Variants in BAHCC1 observed in about 807,000 individuals in gnomAD.
BAHCC1 encodes the protein BAH domain and coiled-coil containing 1, also known as BAH and coiled-coil domain-containing protein 1.
A neutral mutation model predicts 88.2 loss-of-function variants in BAHCC1; 43 were observed. The ratio of observed to expected loss-of-function variants is 0.49; its 90% CI spans 0.38 to 0.63. BAHCC1 has a LOEUF of 0.63. Ranked by LOEUF, BAHCC1 falls within the 20% of genes least tolerant of loss-of-function variation. BAHCC1 has a pLI of 0.00. For missense variants in BAHCC1, 3,023 were observed against 1,654.8 expected (o/e 1.83, Z -14.34); for synonymous variants, 1,510 against 745.5 (o/e 2.03, Z -16.71).
In BAHCC1 at chr17:81,399,628, C is replaced by A. The variant is rs1439070854; in HGVS notation, c.-112C>A. The A allele has an allele frequency of 1.4e-6, 1 of 709,016 alleles. No homozygotes were observed. The highest frequency in any genetic ancestry group is 4.1e-5 in the Admixed American group (1 of 24,598). 43.9% of individuals were successfully genotyped at this position (709,016 alleles called of 1,614,324 possible). On this transcript the variant is annotated 5_prime_UTR_variant, in exon 2 of 28. Transcript: ENST00000675386. The surrounding 1 kb of genome is among the most constrained non-coding windows in gnomAD (Gnocchi z 4.5). ...TGCTGACCGGCCCCGCCGCCACCAC[C>A]GCCTGTGACCCCGGACGCCGCCGCC...
chr17:81,418,783 GTGTA>G (rs1207455098), intron 2 of BAHCC1, among the ~76,000 whole-genome samples: 2 of 102,974 alleles, frequency 1.9e-5, no homozygotes, highest in Admixed American at 9.4e-5. Flanking sequence ...GTACGTGTGT[GTGTA>G]CGTGTGTGCG....
At position 81,458,391 on chromosome 17, in the gene BAHCC1, G is replaced by C. The variant is rs1555658043; in HGVS notation, c.5268G>C (p.Glu1756Asp). 1.3e-6 allele frequency: 1 copy of C among 742,148 alleles called. No individual in the cohort carries two copies. The highest frequency in any genetic ancestry group is 2.5e-6 in the Non-Finnish European group (1 of 402,366). The allele number at this position is 742,148 out of a possible 1,614,324, so 46.0% of individuals were successfully genotyped here. A position where few individuals can be genotyped will look rare whatever the true frequency, so the allele number is the denominator to read the frequency against. Residue 1756 changes from glutamate to aspartate, a missense_variant, in exon 18 of 28, where the codon GAG (glutamate) becomes GAC (aspartate). Physicochemically the swap from Glu to Asp is conservative, Grantham distance 45 (BLOSUM62 2). Coordinates refer to ENST00000675386, the MANE Select transcript of BAHCC1 (RefSeq NM_001377448.1). ...CCTCTCGGGCCTTCGCCTGCCGTGA[G>C]GAGGGCAGCCAGCTGGCCAGTGAGC... ...FNPSRAFACR[E>D]EGSQLASERL...
chr17:81,432,553 A>ACCCG (rs2064273770), intron 3 of BAHCC1, among the ~76,000 whole-genome samples: 1 of 21,706 alleles, frequency 4.6e-5, no homozygotes, highest in African/African-American at 1.9e-4. Flanking sequence ...CACCAGGCCC[A>ACCCG]CCCTCCCTCC....
At chr17:81,403,945 C>G (rs993364053) in intron 2 of BAHCC1, among the ~76,000 whole-genome samples, 1 of 152,236 alleles carries the variant, frequency 6.6e-6, no homozygotes, top group Non-Finnish European at 1.5e-5. Flanking sequence ...ACGGAGCCGC[C>G]GCGCTTTCTG....
At chr17:81,400,502 G>C (rs1329879372) in intron 2 of BAHCC1, among the ~76,000 whole-genome samples, 1 of 152,310 alleles carries the variant, frequency 6.6e-6, no homozygotes, top group Non-Finnish European at 1.5e-5. Flanking sequence ...GAGTGCCTCT[G>C]GTATCCCGCT....
intron 3 of BAHCC1, among the ~76,000 whole-genome samples, chr17:81,433,874 C>T (rs763017025): frequency 1.3e-5 from 2 of 152,248 alleles, no homozygotes; most frequent in East Asian, 1.9e-4. Flanking sequence ...CGGGTAGACC[C>T]GTGCACTGCA....
chr17:81,461,839 G>C lies in BAHCC1; in HGVS notation c.7176G>C (p.Leu2392=), dbSNP rs1421414148. ...ACGCGCATGCCCAGCGCTGCTTCCTGTCCAGGGCCACGGTGGCTGGCACCG... is the reference window on the plus strand; with the variant it reads ...ACGCGCATGCCCAGCGCTGCTTCCTCTCCAGGGCCACGGTGGCTGGCACCG... The part of the protein sequence containing the change: ...GPHAHAQRCF[L]SRATVAGTGA... Residue 2392 remains leucine, a synonymous_variant, in exon 26 of 28, where the codon CTG becomes CTC. Coordinates refer to ENST00000675386, the MANE Select transcript of BAHCC1 (RefSeq NM_001377448.1). The C allele has an allele frequency of 6.9e-6, 5 of 719,642 alleles. No individual in the cohort carries two copies. The highest frequency in any genetic ancestry group is 3.5e-5 in the African/African-American group (2 of 57,350). The allele number at this position is 719,642 out of a possible 1,614,324, so 44.6% of individuals were successfully genotyped here.
At chr17:81,407,599 G>A (rs1309071234) in intron 2 of BAHCC1, among the ~76,000 whole-genome samples, 1 of 152,236 alleles carries the variant, frequency 6.6e-6, no homozygotes, top group Non-Finnish European at 1.5e-5. Flanking sequence ...AGAAGGGGCT[G>A]CGCTGTGGGG....
At chr17:81,463,523 A>G (rs1433182886) in intron 27 of BAHCC1, 88 bp from the exon 28 acceptor site, 15 of 744,156 alleles carry the variant, frequency 2.0e-5, no homozygotes, top group Non-Finnish European at 2.7e-5. Context: ...ACCCTTACAG[A>G]GCATGGGTGG....
Position 81,399,184 on chromosome 17 carries a change from GTTT to G in BAHCC1, c.-206-347_-206-345del, listed in dbSNP as rs1395524681. The G allele has an allele frequency of 2.4e-6, 1 of 421,526 alleles. No individual in the cohort carries two copies. Among genetic ancestry groups the G allele is most frequent in the African/African-American group, 2.2e-5 (1 of 46,422 alleles). 26.1% of individuals were successfully genotyped at this position (421,526 alleles called of 1,614,324 possible). A position where few individuals can be genotyped will look rare whatever the true frequency, so the allele number is the denominator to read the frequency against. On this transcript the variant is annotated intron_variant, in intron 1 of 27. Coordinates refer to ENST00000675386, the MANE Select transcript of BAHCC1 (RefSeq NM_001377448.1). The surrounding 1 kb of genome is among the most constrained non-coding windows in gnomAD (Gnocchi z 4.5). ...GTGCGTGATGGCTTCGCAGATTTGG[GTTT>G]TTATCACCCAGCAGAGCCAGCAGCC... is the stretch of plus-strand genomic sequence containing the variant.
At position 81,465,813 on chromosome 17, in the gene BAHCC1, C is replaced by G. The variant is rs1555660652; in HGVS notation, c.*1996C>G. ...GGGTCCCCGCCTCCAGCCCCCCGCTCCCACCCCCGAGCCTACCCTTTGTCT... is the reference window on the plus strand; with the variant it reads ...GGGTCCCCGCCTCCAGCCCCCCGCTGCCACCCCCGAGCCTACCCTTTGTCT... On this transcript the variant is annotated 3_prime_UTR_variant, in exon 28 of 28. Coordinates refer to ENST00000675386, the MANE Select transcript of BAHCC1 (RefSeq NM_001377448.1). The G allele has an allele frequency of 6.6e-6, 1 of 152,430 alleles. No individual in the cohort carries two copies. The highest frequency in any genetic ancestry group is 2.4e-5 in the African/African-American group (1 of 41,442). The allele number at this position is 152,430 out of a possible 1,614,324, so 9.4% of individuals were successfully genotyped here.
In BAHCC1 at chr17:81,441,905, C is replaced by T. The variant is rs376051584; in HGVS notation, c.556C>T (p.Arg186Trp). Reference protein sequence around the residue: ...PANHNFPSVARAAPAHPMGSC... With the variant: ...PANHNFPSVAWAAPAHPMGSC... ...CAACCACAACTTCCCCAGCGTGGCCCGGGCCGCCCCTGCCCACCCCATGGG... is the reference window on the plus strand; with the variant it reads ...CAACCACAACTTCCCCAGCGTGGCCTGGGCCGCCCCTGCCCACCCCATGGG... The change falls in exon 5 of 28, where the codon CGG becomes TGG. Residue 186 changes from arginine (R) to tryptophan (W), a missense_variant. By Grantham distance (101) the Arg-to-Trp change is moderately radical (BLOSUM62 -3). Coordinates refer to ENST00000675386, the MANE Select transcript of BAHCC1 (RefSeq NM_001377448.1). 22 of 687,936 alleles carry T rather than the reference C, an allele frequency of 3.2e-5. No homozygotes were observed. The highest frequency in any genetic ancestry group is 1.6e-4 in the Admixed American group (7 of 45,144). 42.6% of individuals were successfully genotyped at this position (687,936 alleles called of 1,614,324 possible). A position where few individuals can be genotyped will look rare whatever the true frequency, so the allele number is the denominator to read the frequency against.
In BAHCC1 at chr17:81,447,146, G is replaced by A. The variant is rs188273430; in HGVS notation, c.3274G>A (p.Gly1092Arg). 9.6e-5 allele frequency: 75 copies of A among 778,628 alleles called. No homozygotes were observed. In the African/African-American group the frequency reaches 1.1e-3, roughly 11 times the overall value. The allele number at this position is 778,628 out of a possible 1,614,324, so 48.2% of individuals were successfully genotyped here. A position where few individuals can be genotyped will look rare whatever the true frequency, so the allele number is the denominator to read the frequency against. The change falls in exon 11 of 28, where the codon GGG (glycine) becomes AGG (arginine). Residue 1092 changes from glycine to arginine, a missense_variant. Gly to Arg is a moderately radical substitution (Grantham distance 125). Coordinates refer to ENST00000675386, the MANE Select transcript of BAHCC1 (RefSeq NM_001377448.1). Reference protein sequence around the residue: ...DPETMQTTAPGAQPEPTRTFL... With the variant: ...DPETMQTTAPRAQPEPTRTFL... ...TGAAACTATGCAAACCACCGCCCCG[G>A]GGGCCCAGCCTGAGCCCACAAGGAC...
At chr17:81,446,526 CTTTTTTTTTTTTTTTTTTTTTTTTTTTT>C (rs869297780) in intron 10 of BAHCC1, among the ~76,000 whole-genome samples, 1 of 49,184 alleles carries the variant, frequency 2.0e-5, no homozygotes, top group Non-Finnish European at 3.6e-5. Context: ...CTGCTCACAC[CTTTTTTTTTTTTTTTTTTTTTTTTTTTT>C]TTTTTTTTTT....
At chr17:81,463,540 G>T in intron 27 of BAHCC1, 71 bp from the exon 28 acceptor site, 1 of 763,456 alleles carries the variant, frequency 1.3e-6, no homozygotes. Context: ...GTGGGCGGGT[G>T]GTCTTTCCTG....
rs1266626987 is a variant in BAHCC1, at chr17:81,426,989, C to T, written c.358+10C>T. 17 of 398,576 alleles carry T rather than the reference C, an allele frequency of 4.3e-5. No homozygotes were observed. The highest frequency in any genetic ancestry group is 6.2e-5 in the African/African-American group (3 of 48,724). 24.7% of individuals were successfully genotyped at this position (398,576 alleles called of 1,614,324 possible). ...TCCCACTCCCACGAAGGTAAGTTGG[C>T]GGACTGGGCTCCCAGCGACACCCTG... is the stretch of plus-strand genomic sequence containing the variant. On this transcript the variant is annotated intron_variant, in intron 3 of 27. Transcript: ENST00000675386.
chr17:81,465,747 T>C lies in BAHCC1; in HGVS notation c.*1930T>C, dbSNP rs2030662255. 6.6e-6 allele frequency: 1 copy of C among 152,218 alleles called. No homozygotes were observed. Among genetic ancestry groups the C allele is most frequent in the Non-Finnish European group, 1.5e-5 (1 of 68,044 alleles). 9.4% of individuals were successfully genotyped at this position (152,218 alleles called of 1,614,324 possible). The stretch of plus-strand genomic sequence containing the variant: ...CCCCTGAAGGGCCGTTCCCAGAGGC[T>C]CCCCAGGAGGCTCAAGGCTGGGGGC... On this transcript the variant is annotated 3_prime_UTR_variant, in exon 28 of 28. Transcript: ENST00000675386.
intron 2 of BAHCC1, among the ~76,000 whole-genome samples, chr17:81,414,572 T>A (rs934236193): frequency 1.3e-5 from 2 of 151,820 alleles, no homozygotes; most frequent in Admixed American, 1.3e-4. Flanking sequence ...CCCTGCAGAG[T>A]TCCTAGGAAC....
At chr17:81,414,536 G>C (rs2063994659) in intron 2 of BAHCC1, among the ~76,000 whole-genome samples, 1 of 152,198 alleles carries the variant, frequency 6.6e-6, no homozygotes, top group African/African-American at 2.4e-5. Context: ...AGAGGTCCCT[G>C]CCTGAGCCAC....
Sources: gnomAD v4.1 joint callset for allele counts (sites outside exome capture counted in the v4.1 genomes callset) on GRCh38, gnomAD v4.1.1 for gene constraint, Gnocchi (gnomAD v3.1) non-coding constraint, MANE v1.5 for transcripts, NCBI Gene and HGNC (gene_info 2026-07-23, HGNC 2026-07-21) for gene names.